Variants in IGSF22 observed in about 807,000 individuals in gnomAD.
The protein encoded by IGSF22 is immunoglobulin superfamily, member 22.
In IGSF22, 119 loss-of-function variants were observed where a neutral mutation model predicts 127.0. The ratio of observed to expected loss-of-function variants is 0.94; its 90% CI spans 0.81 to 1.09. IGSF22 has a LOEUF of 1.09. Ranked by LOEUF, IGSF22 falls within the 50% of genes least tolerant of loss-of-function variation. IGSF22 has a pLI of 0.00. For synonymous variants in IGSF22, 568 were observed against 664.7 expected, an observed-to-expected ratio of 0.85 and a Z score of 2.24; for missense variants, 1,518 against 1,716.6, an observed-to-expected ratio of 0.88 and a Z score of 2.04.
At chr11:18,720,360 G>T in intron 4 of IGSF22, 75 bp from the exon 5 acceptor site, 2 of 1,146,456 alleles carry the variant, frequency 1.7e-6, no homozygotes, top group African/African-American at 1.6e-5. Flanking sequence ...TAAGGTAGGA[G>T]GCCTTTTTTT....
At chr11:18,713,151 C>CT (rs11364796) in intron 14 of IGSF22, among the ~76,000 whole-genome samples, 328 of 117,594 alleles carry the variant, frequency 2.8e-3, no homozygotes, top group South Asian at 3.7e-3. Context: ...GTTGTTGTTT[C>CT]TTTTTTTTTT....
intron 17 of IGSF22, 54 bp downstream of exon 17, chr11:18,710,273 A>G (rs1481768324): frequency 3.7e-5 from 59 of 1,594,792 alleles, no homozygotes; most frequent in Non-Finnish European, 4.7e-5. Flanking sequence ...TTCTTTCTCT[A>G]CTTTGAATGG....
In IGSF22 at chr11:18,719,752, C is replaced by G; in HGVS notation, c.660G>C (p.Arg220Ser). ...YGFTDFRGLL[R>S]KLKEMKKKVE... is the part of the protein sequence containing the mutation. ...CTTTCTTCTTCATCTCTTTGAGCTT[C>G]CTGAGCAGCCCCCGAAAGTCGGTGA... is the stretch of plus-strand genomic sequence containing the variant. The change falls in exon 7 of 23, where the codon AGG (arginine) becomes AGC (serine). Residue 220 changes from arginine to serine, a missense_variant. Coordinates refer to ENST00000513874, the MANE Select transcript of IGSF22 (RefSeq NM_173588.4). The G allele has an allele frequency of 1.2e-6, 2 of 1,614,222 alleles. No individual in the cohort carries two copies. The highest frequency in any genetic ancestry group is 1.7e-6 in the Non-Finnish European group (2 of 1,180,050).
In IGSF22 at chr11:18,716,701, C is replaced by T. The variant is rs1484238941; in HGVS notation, c.1246+27G>A. 1 of 1,607,904 alleles carries T rather than the reference C, an allele frequency of 6.2e-7. No homozygotes were observed. Among genetic ancestry groups the T allele is most frequent in the South Asian group, 1.1e-5 (1 of 90,894 alleles). On this transcript the variant is annotated intron_variant, in intron 10 of 22. Coordinates refer to ENST00000513874, the MANE Select transcript of IGSF22 (RefSeq NM_173588.4). This position sits in a 1 kb window ranked among gnomAD's most constrained non-coding sequence, Gnocchi z 4.5. ...GAGGTTGCTGTGCCATAAAGCCCAC[C>T]CCTTAGGCTCTTGCCCAACCACTCA...
rs367670552 is a variant in IGSF22 at position 18,717,051 on chromosome 11, G to A, written c.974-51C>T. ...TCATTGGGCTGGTCCCTCCTGAGGG[G>A]TGGAGTGGTGAAGAGGGCACTCACA... On this transcript the variant is annotated intron_variant, in intron 9 of 22. Coordinates refer to ENST00000513874, the MANE Select transcript of IGSF22 (RefSeq NM_173588.4). 7 of 1,588,334 alleles carry A rather than the reference G, an allele frequency of 4.4e-6. No individual in the cohort carries two copies. The South Asian group carries it at 7.9e-5, about 18-fold the overall frequency.
Position 18,706,176 on chromosome 11 carries a change from G to A in IGSF22, c.3581-30C>T, listed in dbSNP as rs561064628. 43 of 1,517,702 alleles carry A rather than the reference G, an allele frequency of 2.8e-5. No individual in the cohort carries two copies. In the Middle Eastern group the frequency reaches 6.1e-4, roughly 22 times the overall value. 94.0% of individuals were successfully genotyped at this position (1,517,702 alleles called of 1,614,324 possible). A position where few individuals can be genotyped will look rare whatever the true frequency, so the allele number is the denominator to read the frequency against. ...GCGGGCGGGGCGGGGCAGGCCGTGA[G>A]GGCGCCCCAAGGCCCCCACCCACCA... On this transcript the variant is annotated intron_variant, in intron 21 of 22. Transcript: ENST00000513874.
At chr11:18,718,906 G>A (rs546197365) in intron 7 of IGSF22, among the ~76,000 whole-genome samples, 178 bp from the exon 8 acceptor site, 12 of 152,226 alleles carry the variant, frequency 7.9e-5, no homozygotes, top group South Asian at 6.2e-4. Flanking sequence ...GGAACATTAC[G>A]GGGGATGAGT....
Position 18,710,843 on chromosome 11 carries a change from G to GA in IGSF22, c.2399-16dup. On this transcript the variant is annotated splice_polypyrimidine_tract_variant and intron_variant, in intron 15 of 22. Transcript: ENST00000513874. ...ACCAGGAGGCTCTGTGGGGGAAAGA[G>GA]AGAGTGCAAAGGTTAGGAGGGGGAG... 1 of 1,607,830 alleles carries GA rather than the reference G, an allele frequency of 6.2e-7. No homozygotes were observed. The highest frequency in any genetic ancestry group is 1.1e-5 in the South Asian group (1 of 90,972).
chr11:18,711,174 T>C (rs572288528), intron 15 of IGSF22, among the ~76,000 whole-genome samples: 3 of 152,302 alleles, frequency 2.0e-5, no homozygotes, highest in African/African-American at 7.2e-5. Flanking sequence ...ACAACTAGTG[T>C]CTGGGTCCTG....
In IGSF22 at chr11:18,724,198, G is replaced by C. The variant is rs369906074; in HGVS notation, c.39C>G (p.His13Gln). ...TGGAGCTGGAGAACTCCATGGACAC[G>C]TGCTCCTGCAGCATCTGCCGGCTGT... ...TIHSRQMLQEHVSMEFSSSTT... is the reference protein window; with the variant it reads ...TIHSRQMLQEQVSMEFSSSTT... The change falls in exon 2 of 23, where the codon CAC (histidine) becomes CAG (glutamine). Residue 13 changes from histidine to glutamine, a missense_variant. By Grantham distance (24) the His-to-Gln change is conservative. Coordinates refer to ENST00000513874, the MANE Select transcript of IGSF22 (RefSeq NM_173588.4). The C allele has an allele frequency of 3.1e-6, 5 of 1,614,012 alleles. No individual in the cohort carries two copies. In the South Asian group the frequency reaches 4.4e-5, roughly 14 times the overall value.
Position 18,710,725 on chromosome 11 carries a change from G to T in IGSF22, c.2502C>A (p.Leu834=). The T allele has an allele frequency of 6.2e-7, 1 of 1,614,156 alleles. No homozygotes were observed. The change falls in exon 16 of 23, where the codon CTC becomes CTA. Residue 834 remains leucine (L), a synonymous_variant. Transcript: ENST00000513874. The part of the protein sequence containing the change: ...APTQDGGAPV[L]GYIVERRKKG... Reference sequence around the variant, plus strand: ...TCTTCCTTCGTTCTACAATGTAGCCGAGCACTGGGGCTCCCCCATCCTGGG... The same window carrying T: ...TCTTCCTTCGTTCTACAATGTAGCCTAGCACTGGGGCTCCCCCATCCTGGG...
At position 18,707,063 on chromosome 11, in the gene IGSF22, G is replaced by T. The variant is rs1189163958; in HGVS notation, c.3431C>A (p.Thr1144Lys). ...KRDASTATWY[T>K]AAERVFSNKY... ...GTTGCTGAAGACACGCTCGGCTGCC[G>T]TGTACCAGGTGGCTGTGCTTGCATC... Residue 1144 changes from threonine to lysine, a missense_variant, in exon 21 of 23, where the codon ACG becomes AAG. Around this residue, in one of 3 missense-constraint regions of IGSF22, gnomAD observed 1,456 missense variants for 1,644.9 expected, o/e 0.89. Coordinates refer to ENST00000513874, the MANE Select transcript of IGSF22 (RefSeq NM_173588.4). The T allele has an allele frequency of 1.9e-6, 3 of 1,551,696 alleles. No individual in the cohort carries two copies. The highest frequency in any genetic ancestry group is 2.6e-6 in the Non-Finnish European group (3 of 1,146,990).
In IGSF22 at chr11:18,714,133, T is replaced by C; in HGVS notation, c.1814A>G (p.Asp605Gly). Residue 605 changes from aspartate to glycine, a missense_variant, in exon 14 of 23, where the codon GAC becomes GGC. Physicochemically the swap from Asp to Gly is moderately conservative, Grantham distance 94. This residue lies in a region of IGSF22 where 1,456 missense variants were observed against 1,644.9 expected (regional missense o/e 0.89). Transcript: ENST00000513874. Reference sequence around the variant, plus strand: ...AGCCAGTGCCTCCAGTACTGACGGGTCGATGGTAGGAGGATCTGTGGGGCG... The same window carrying C: ...AGCCAGTGCCTCCAGTACTGACGGGCCGATGGTAGGAGGATCTGTGGGGCG... ...SVFIADPPTI[D>G]PSVLEALAAH... The C allele has an allele frequency of 6.2e-7, 1 of 1,612,030 alleles. No individual in the cohort carries two copies. Among genetic ancestry groups the C allele is most frequent in the Non-Finnish European group, 8.5e-7 (1 of 1,178,476 alleles).
chr11:18,720,453 C>G (rs1848550718), intron 4 of IGSF22, among the ~76,000 whole-genome samples, 168 bp from the exon 5 acceptor site: 1 of 151,954 alleles, frequency 6.6e-6, no homozygotes, highest in African/African-American at 2.4e-5. Context: ...TACCAGCTAG[C>G]AGTCAGTGTG....
intron 13 of IGSF22, 58 bp downstream of exon 13, chr11:18,714,219 T>C (rs1848413719): frequency 1.3e-6 from 2 of 1,591,880 alleles, no homozygotes; most frequent in Non-Finnish European, 1.7e-6. Context: ...GGAGAAGCCA[T>C]GAGCTTGTAG....
intron 18 of IGSF22, 110 bp from the exon 19 acceptor site, chr11:18,708,405 A>C (rs1409741058): frequency 1.4e-6 from 1 of 734,064 alleles, no homozygotes; most frequent in Admixed American, 3.2e-5. Flanking sequence ...TGCCCCCACT[A>C]CAGGCCATAC....
chr11:18,719,920 T>C, intron 6 of IGSF22, 27 bp from the exon 7 acceptor site: 1 of 1,613,746 alleles, frequency 6.2e-7, no homozygotes, highest in Non-Finnish European at 8.5e-7. Context: ...GGGACTAAGC[T>C]TGTACACAAT....
In IGSF22 at chr11:18,716,950, G is replaced by A. The variant is rs774302394; in HGVS notation, c.1024C>T (p.Arg342Cys). 51 of 1,614,004 alleles carry A rather than the reference G, an allele frequency of 3.2e-5. No homozygotes were observed. Among genetic ancestry groups the A allele is most frequent in the East Asian group, 1.1e-4 (5 of 44,900 alleles). ...CGGATCTCAAACACAGCTGTCTGGCGCTCTGTCACCTTCACAGGCTTCATC... is the reference window on the plus strand; with the variant it reads ...CGGATCTCAAACACAGCTGTCTGGCACTCTGTCACCTTCACAGGCTTCATC... ...GEMKPVKVTE[R>C]QTAVFEIRLS... Residue 342 changes from arginine (R) to cysteine (C), a missense_variant, in exon 10 of 23, where the codon CGC (arginine) becomes TGC (cysteine). Around this residue, in one of 3 missense-constraint regions of IGSF22, gnomAD observed 1,456 missense variants for 1,644.9 expected, o/e 0.89. Coordinates refer to ENST00000513874, the MANE Select transcript of IGSF22 (RefSeq NM_173588.4). This position sits in a 1 kb window ranked among gnomAD's most constrained non-coding sequence, Gnocchi z 4.5.
Position 18,719,784 on chromosome 11 carries a change from A to T in IGSF22, c.628T>A (p.Tyr210Asn), listed in dbSNP as rs1848534846. ...KKDFEKVCME[Y>N]GFTDFRGLLR... is the part of the protein sequence containing the mutation. ...AGCCCCCGAAAGTCGGTGAAACCAT[A>T]CTCCATGCACACCTTCTCAAAGTCT... The change falls in exon 7 of 23, where the codon TAT becomes AAT. Residue 210 changes from tyrosine to asparagine, a missense_variant. Tyr to Asn is a moderately radical substitution (Grantham distance 143). This residue lies in a region of IGSF22 where 1,456 missense variants were observed against 1,644.9 expected (regional missense o/e 0.89). Transcript: ENST00000513874. 1.2e-6 allele frequency: 2 copies of T among 1,613,878 alleles called. No individual in the cohort carries two copies. The highest frequency in any genetic ancestry group is 2.2e-5 in the South Asian group (2 of 91,082).
Sources: allele counts gnomAD v4.1 joint callset (sites outside exome capture counted in the v4.1 genomes callset), GRCh38; gene constraint gnomAD v4.1.1; regional missense constraint gnomAD v4.1.1; non-coding constraint Gnocchi (gnomAD v3.1); transcripts MANE v1.5; gene names NCBI Gene and HGNC (gene_info 2026-07-23, HGNC 2026-07-21).